The following TNRC18 variants were observed in gnomAD, a reference collection of about 807,000 sequenced individuals.
TNRC18 encodes trinucleotide repeat containing 18.
A neutral mutation model predicts 226.7 loss-of-function variants in TNRC18; 69 were observed. That is an observed-to-expected ratio of 0.30 (90% CI 0.25 to 0.37). The LOEUF (loss-of-function observed/expected upper bound fraction) is 0.37. TNRC18 is among the 10% of genes least tolerant of loss of function. The probability of loss-of-function intolerance (pLI) is 1.00; values close to 1 mark genes in which losing one functional copy is unlikely to be tolerated. For synonymous variants in TNRC18, 2,449 were observed against 1,927.6 expected (o/e 1.27, Z -7.09); for missense variants, 4,754 against 4,256.6 (o/e 1.12, Z -3.25).
rs577623014 is a variant in TNRC18 at position 5,401,780 on chromosome 7, G to A, written c.188-7185C>T. ...TCCTAGTCCTATGCTGCACATCGGA[G>A]GTACTCAAGTAGTATTTACGGTAGG... is the stretch of plus-strand genomic sequence containing the variant. On this transcript the variant is annotated intron_variant, in intron 2 of 29. Coordinates refer to ENST00000430969, the MANE Select transcript of TNRC18 (RefSeq NM_001080495.3). Among the ~76,000 whole-genome samples, 3 of 152,322 alleles carry A rather than the reference G, an allele frequency of 2.0e-5. No individual in the cohort carries two copies. In the South Asian group the frequency reaches 6.2e-4, roughly 32 times the overall value.
In TNRC18 at chr7:5,321,105, G is replaced by C. The variant is rs766645034; in HGVS notation, c.6528C>G (p.Ala2176=). The C allele has an allele frequency of 6.4e-7, 1 of 1,553,916 alleles. No individual in the cohort carries two copies. The highest frequency in any genetic ancestry group is 1.2e-5 in the South Asian group (1 of 84,148). ...LIPMDDKLLY[A]GHVQTVHSPD... ...GCGAGTGCACGGTCTGCACGTGCCC[G>C]GCGTACAGCAGCTTGTCATCCATGG... Residue 2176 remains alanine (A), a synonymous_variant, in exon 22 of 30, where the codon GCC becomes GCG. Coordinates refer to ENST00000430969, the MANE Select transcript of TNRC18 (RefSeq NM_001080495.3).
chr7:5,381,760 G>A (rs986434079), intron 5 of TNRC18, among the ~76,000 whole-genome samples: 8 of 152,212 alleles, frequency 5.3e-5, no homozygotes, highest in Non-Finnish European at 1.0e-4. Flanking sequence ...AAGGTCAGGA[G>A]TTCAAGACCA....
chr7:5,410,170 G>A (rs1408426783), intron 2 of TNRC18, among the ~76,000 whole-genome samples: 1 of 151,114 alleles, frequency 6.6e-6, no homozygotes, highest in African/African-American at 2.4e-5. Context: ...AATTAGCCAG[G>A]CATGGTGGCA....
chr7:5,321,311 G>A, intron 21 of TNRC18, 121 bp from the exon 22 acceptor site: 2 of 674,528 alleles, frequency 3.0e-6, no homozygotes, highest in South Asian at 3.6e-5. Flanking sequence ...GTGGGCCTGT[G>A]GGGCTGAGAC....
intron 2 of TNRC18, among the ~76,000 whole-genome samples, chr7:5,419,228 A>G (rs908795164): frequency 6.6e-6 from 1 of 152,222 alleles, no homozygotes; most frequent in Non-Finnish European, 1.5e-5. Flanking sequence ...CGGCCCTGGC[A>G]CTGTGCATGC....
intron 18 of TNRC18, among the ~76,000 whole-genome samples, chr7:5,335,797 G>C (rs1450385569): frequency 7.1e-6 from 1 of 141,542 alleles, no homozygotes; most frequent in Admixed American, 7.4e-5. Context: ...GTCCCACCAA[G>C]GAAATATCTG....
chr7:5,312,471 C>G lies in TNRC18; in HGVS notation c.8388+32G>C. 6.2e-7 allele frequency: 1 copy of G among 1,603,616 alleles called. No individual in the cohort carries two copies. The highest frequency in any genetic ancestry group is 8.5e-7 in the Non-Finnish European group (1 of 1,176,944). ...GCAGAGAGACACAAGGCCCCCGGCCCCTCGGCCGTGCCCGGGCGCGAGCTT... is the reference window on the plus strand; with the variant it reads ...GCAGAGAGACACAAGGCCCCCGGCCGCTCGGCCGTGCCCGGGCGCGAGCTT... On this transcript the variant is annotated intron_variant, in intron 27 of 29. Transcript: ENST00000430969. The surrounding 1 kb of genome is among the most constrained non-coding windows in gnomAD (Gnocchi z 6.3).
chr7:5,370,892 G>A lies in TNRC18; in HGVS notation c.3702C>T (p.Gly1234=). 1 of 1,606,784 alleles carries A rather than the reference G, an allele frequency of 6.2e-7. No individual in the cohort carries two copies. The change falls in exon 11 of 30, where the codon GGC becomes GGT. Residue 1234 remains glycine (G), a synonymous_variant. Transcript: ENST00000430969. ...EGPEPRVDSP[G]RTEPCTAALD... is the part of the protein sequence containing the mutation. ...GGGCGGCGGTGCAGGGTTCTGTCCG[G>A]CCCGGGGAATCCACCCGTGGTTCAG...
At chr7:5,366,326 T>TTTTC (rs1793621638) in intron 11 of TNRC18, among the ~76,000 whole-genome samples, 1 of 126,782 alleles carries the variant, frequency 7.9e-6, no homozygotes, top group African/African-American at 3.1e-5. Context: ...ATCTTTTTTT[T>TTTTC]TTTTTTTTTT....
At chr7:5,329,859 G>A in intron 19 of TNRC18, 1 of 468,326 alleles carries the variant, frequency 2.1e-6, no homozygotes. Context: ...TCTGTTGGAG[G>A]CCCAGGGTTT....
At chr7:5,335,585 A>G (rs1217268241) in intron 18 of TNRC18, among the ~76,000 whole-genome samples, 1 of 146,654 alleles carries the variant, frequency 6.8e-6, no homozygotes, top group Non-Finnish European at 1.5e-5. Context: ...AGTCTGGGTG[A>G]CAGAGTGAGA....
intron 17 of TNRC18, among the ~76,000 whole-genome samples, chr7:5,348,135 C>A (rs766168938): frequency 1.4e-4 from 21 of 152,142 alleles, no homozygotes; most frequent in Non-Finnish European, 2.6e-4. Context: ...AGGCTCCCTG[C>A]ACACAAACCA....
chr7:5,348,358 C>A (rs1353142450), intron 17 of TNRC18, among the ~76,000 whole-genome samples: 1 of 152,176 alleles, frequency 6.6e-6, no homozygotes, highest in African/African-American at 2.4e-5. Context: ...AAGGTGGCCC[C>A]TTCCAGCAAG....
Position 5,313,141 on chromosome 7 carries a change from C to T in TNRC18, c.7750G>A (p.Glu2584Lys). 1 of 1,518,926 alleles carries T rather than the reference C, an allele frequency of 6.6e-7. No individual in the cohort carries two copies. The highest frequency in any genetic ancestry group is 8.9e-7 in the Non-Finnish European group (1 of 1,125,546). 94.1% of individuals were successfully genotyped at this position (1,518,926 alleles called of 1,614,324 possible). The change falls in exon 27 of 30, where the codon GAG (glutamate) becomes AAG (lysine). Residue 2584 changes from glutamate (E) to lysine (K), a missense_variant. By Grantham distance (56) the Glu-to-Lys change is moderately conservative (BLOSUM62 1). Transcript: ENST00000430969. ...SSSSGSETEGEEEGDKNGDGG... is the reference protein window; with the variant it reads ...SSSSGSETEGKEEGDKNGDGG... ...TCCCCGTTCTTGTCGCCTTCCTCCT[C>T]CCCTTCTGTCTCCGAGCCGCTGCTG...
rs935002277 is a variant in TNRC18, at chr7:5,388,875, G to A, written c.949C>T (p.Leu317=). The change falls in exon 5 of 30, where the codon CTG becomes TTG. Residue 317 remains leucine, a synonymous_variant. Transcript: ENST00000430969. ...EAARQDEGAR[L]LRRTETLLPG... is the part of the protein sequence containing the mutation. ...AGCAGGGTCTCCGTGCGCCGCAGCAGCCGCGCGCCCTCGTCCTGCCGGGCA... is the reference window on the plus strand; with the variant it reads ...AGCAGGGTCTCCGTGCGCCGCAGCAACCGCGCGCCCTCGTCCTGCCGGGCA... The A allele has an allele frequency of 2.3e-6, 3 of 1,312,078 alleles. No homozygotes were observed. Among genetic ancestry groups the A allele is most frequent in the East Asian group, 4.2e-5 (1 of 23,884 alleles). 81.3% of individuals were successfully genotyped at this position (1,312,078 alleles called of 1,614,324 possible).
intron 15 of TNRC18, among the ~76,000 whole-genome samples, chr7:5,359,093 G>A (rs556264296): frequency 1.8e-4 from 28 of 152,252 alleles, no homozygotes; most frequent in African/African-American, 5.8e-4. Context: ...GTATTACTTG[G>A]TTAAGAACTT....
Position 5,371,147 on chromosome 7 carries a change from C to T in TNRC18, c.3447G>A (p.Glu1149=), listed in dbSNP as rs761269779. Residue 1149 remains glutamate (E), a synonymous_variant, in exon 11 of 30, where the codon GAG becomes GAA. Transcript: ENST00000430969. ...KITEPLREGP[E]EEPLAEREVK... ...CCTCCCGCTCAGCCAGCGGTTCTTC[C>T]TCCGGGCCCTCCCGCAGCGGCTCTG... 5.6e-6 allele frequency: 9 copies of T among 1,609,528 alleles called. No individual in the cohort carries two copies. The highest frequency in any genetic ancestry group is 5.5e-5 in the South Asian group (5 of 90,918).
In TNRC18 at chr7:5,324,473, G is replaced by C. The variant is rs541854304; in HGVS notation, c.6301-118C>G. On this transcript the variant is annotated intron_variant, in intron 20 of 29. Transcript: ENST00000430969. The surrounding 1 kb of genome is among the most constrained non-coding windows in gnomAD (Gnocchi z 4.8). The stretch of plus-strand genomic sequence containing the variant: ...AGGCCGCAGGGGGAATCTGTCATGT[G>C]CATGGCAGGGATCCCAGTTAGGGGC... 4 of 1,375,328 alleles carry C rather than the reference G, an allele frequency of 2.9e-6. No homozygotes were observed. In the Admixed American group the frequency reaches 8.3e-5, roughly 28 times the overall value. The allele number at this position is 1,375,328 out of a possible 1,614,324, so 85.2% of individuals were successfully genotyped here. A position where few individuals can be genotyped will look rare whatever the true frequency, so the allele number is the denominator to read the frequency against.
At chr7:5,393,403 T>A (rs1170855256) in intron 3 of TNRC18, among the ~76,000 whole-genome samples, 2 of 152,110 alleles carry the variant, frequency 1.3e-5, no homozygotes, top group Non-Finnish European at 2.9e-5. Context: ...CTGGATGGGG[T>A]CCTGTGACTA....
Sources: gnomAD v4.1 joint callset for allele counts (sites outside exome capture counted in the v4.1 genomes callset) on GRCh38, gnomAD v4.1.1 for gene constraint, Gnocchi (gnomAD v3.1) non-coding constraint, MANE v1.5 for transcripts, NCBI Gene and HGNC (gene_info 2026-07-23, HGNC 2026-07-21) for gene names.